CUL2: variants seen among roughly 807,000 people sequenced by gnomAD.
CUL2 encodes cullin 2.
CUL2 carries 22 observed loss-of-function variants against 110.2 expected under a neutral mutation model. That is an observed-to-expected ratio of 0.20 (90% CI 0.14 to 0.28). The LOEUF is 0.28. Ranked by LOEUF, CUL2 falls within the 10% of genes least tolerant of loss-of-function variation. The pLI is 1.00. For missense variants in CUL2, 631 were observed against 905.5 expected (o/e 0.70, Z 3.89); for synonymous variants, 279 against 293.2 (o/e 0.95, Z 0.49).
chr10:35,082,442 T>C (rs986888511), intron 1 of CUL2, among the ~76,000 whole-genome samples: 3 of 152,172 alleles, frequency 2.0e-5, no homozygotes, highest in Non-Finnish European at 4.4e-5. Context: ...AGTTTCTGTC[T>C]AGTAACGAAA....
intron 1 of CUL2, among the ~76,000 whole-genome samples, chr10:35,110,369 G>A (rs2087510501): frequency 6.6e-6 from 1 of 151,992 alleles, no homozygotes; most frequent in Admixed American, 6.6e-5. Flanking sequence ...TTCGAGACCA[G>A]CCTGGCCAAC....
chr10:35,034,196 C>A (rs1324604522), intron 10 of CUL2, among the ~76,000 whole-genome samples: 1 of 152,160 alleles, frequency 6.6e-6, no homozygotes, highest in Non-Finnish European at 1.5e-5. Context: ...CATCTCCCAG[C>A]CTTGACACAA....
intron 1 of CUL2, among the ~76,000 whole-genome samples, chr10:35,106,634 ATGTT>A (rs1318977970): frequency 6.6e-6 from 1 of 151,656 alleles, no homozygotes; most frequent in East Asian, 1.9e-4. Context: ...ACCGGGCCAA[ATGTT>A]TGTTGTTTAT....
chr10:35,085,892 G>T lies in CUL2; in HGVS notation c.-23+4287C>A, dbSNP rs151272870. On this transcript the variant is annotated intron_variant, in intron 1 of 20. Transcript: ENST00000374749. ...AGGAAGGGCATAAGGGTTGAAAAAC[G>T]GTTGGGTACTATGTTCAGCACCTGA... 7.4e-3 allele frequency among the ~76,000 whole-genome samples: 1,125 copies of T among 152,158 alleles called. 19 individuals carry two copies. Among genetic ancestry groups the T allele is most frequent in the African/African-American group, 0.026 (1,068 of 41,518 alleles).
At chr10:35,039,122 T>C (rs760429521) in intron 8 of CUL2, 40 bp from the exon 9 acceptor site, 3 of 1,339,816 alleles carry the variant, frequency 2.2e-6, no homozygotes, top group South Asian at 1.7e-5. Flanking sequence ...CACAAAGTTT[T>C]ACTATGAGGA....
rs771217258 is a variant in CUL2 at position 35,061,962 on chromosome 10, T to A, written c.223-994A>T. On this transcript the variant is annotated intron_variant, in intron 3 of 20. Transcript: ENST00000374749. ...CCTGACCACGTGCAGGGTTAGACAG[T>A]TTAAATAAAACTGTGTTGTTTTATT... 5.8e-4 allele frequency among the ~76,000 whole-genome samples: 88 copies of A among 152,258 alleles called. No individual in the cohort carries two copies. The Middle Eastern group carries it at 0.017, about 29-fold the overall frequency.
intron 1 of CUL2, among the ~76,000 whole-genome samples, chr10:35,082,133 T>C (rs1483316310): frequency 6.7e-6 from 1 of 148,650 alleles, no homozygotes; most frequent in Non-Finnish European, 1.5e-5. Context: ...TCATCTTGAC[T>C]GAAAAAAAAA....
intron 2 of CUL2, among the ~76,000 whole-genome samples, chr10:35,096,372 G>C (rs1463737280): frequency 1.3e-5 from 2 of 152,066 alleles, no homozygotes; most frequent in African/African-American, 4.8e-5. Flanking sequence ...TGGAAGATGG[G>C]GATAGAAGGG....
At chr10:35,112,698 A>T (rs2087537025) in intron 1 of CUL2, among the ~76,000 whole-genome samples, 1 of 152,202 alleles carries the variant, frequency 6.6e-6, no homozygotes, top group South Asian at 2.1e-4. Context: ...TAGACCTCAC[A>T]CAGGGCTGGA....
At chr10:35,073,580 C>A (rs1564740179) in intron 1 of CUL2, among the ~76,000 whole-genome samples, 1 of 150,684 alleles carries the variant, frequency 6.6e-6, no homozygotes. Flanking sequence ...ATTTTCTTTT[C>A]TTTTCTTTTT....
chr10:35,077,329 AC>A lies in CUL2; in HGVS notation c.-22-5991del, dbSNP rs201737927. On this transcript the variant is annotated intron_variant, in intron 1 of 20. Coordinates refer to ENST00000374749, the MANE Select transcript of CUL2 (RefSeq NM_003591.4). ...ACAAAAAACAAAAACAAACAAACAA[AC>A]AAAAAAAACAAACAAAAATTAGCCG... 8.1e-4 allele frequency among the ~76,000 whole-genome samples: 122 copies of A among 149,866 alleles called. 1 individual carries two copies. The highest frequency in any genetic ancestry group is 2.4e-3 in the African/African-American group (99 of 40,854).
chr10:35,057,552 C>G (rs568110717), intron 4 of CUL2, among the ~76,000 whole-genome samples: 28 of 149,886 alleles, frequency 1.9e-4, no homozygotes, highest in Admixed American at 1.7e-3. Flanking sequence ...ACTCAGGAGG[C>G]TGAGGCAGGA....
chr10:35,121,183 A>G (rs890057918), intron 1 of CUL2, among the ~76,000 whole-genome samples: 1 of 152,174 alleles, frequency 6.6e-6, no homozygotes, highest in Non-Finnish European at 1.5e-5. Flanking sequence ...ACTGAGACAA[A>G]TGCCATCCAT....
chr10:35,069,386 T>A (rs1334672940), intron 2 of CUL2, among the ~76,000 whole-genome samples: 1 of 151,722 alleles, frequency 6.6e-6, no homozygotes, highest in Non-Finnish European at 1.5e-5. Flanking sequence ...AAAAAAATTT[T>A]AAAAATCAGC....
chr10:35,091,453 T>C (rs2087201739), upstream of CUL2, among the ~76,000 whole-genome samples: 1 of 152,168 alleles, frequency 6.6e-6, no homozygotes, highest in Non-Finnish European at 1.5e-5. Flanking sequence ...TATACGAAAT[T>C]CAATCCAACA....
intron 8 of CUL2, among the ~76,000 whole-genome samples, chr10:35,043,847 G>A (rs980423099): frequency 1.3e-5 from 2 of 151,964 alleles, no homozygotes; most frequent in Non-Finnish European, 2.9e-5. Context: ...CAGGAGGACT[G>A]CTCAAGTTGA....
intron 1 of CUL2, among the ~76,000 whole-genome samples, chr10:35,075,878 T>C (rs1348285775): frequency 6.6e-6 from 1 of 152,164 alleles, no homozygotes; most frequent in Non-Finnish European, 1.5e-5. Context: ...AAGTGAATTA[T>C]AAAACGCAGC....
intron 1 of CUL2, chr10:35,120,522 T>C (rs745901649): frequency 2.6e-5 from 4 of 152,190 alleles, no homozygotes; most frequent in Non-Finnish European, 4.4e-5. Flanking sequence ...AATAAGAGGT[T>C]GTCAATTTAT....
chr10:35,079,130 T>C (rs2086888436), intron 1 of CUL2, among the ~76,000 whole-genome samples: 1 of 152,228 alleles, frequency 6.6e-6, no homozygotes, highest in Non-Finnish European at 1.5e-5. Context: ...GTTTATTATA[T>C]AAATCAAGCA....
Sources: gnomAD v4.1 joint callset for allele counts (sites outside exome capture counted in the v4.1 genomes callset) on GRCh38, gnomAD v4.1.1 for gene constraint, MANE v1.5 for transcripts, NCBI Gene and HGNC (gene_info 2026-07-23, HGNC 2026-07-21) for gene names.